SKIL: variants seen among roughly 807,000 people sequenced by gnomAD.
SKIL encodes SKI like proto-oncogene, also known as ski-like protein.
SKIL carries 20 observed loss-of-function variants against 69.6 expected under a neutral mutation model. That is an observed-to-expected ratio of 0.29 (90% confidence interval 0.20 to 0.42). The LOEUF (loss-of-function observed/expected upper bound fraction) is 0.42, where lower values mean the gene tolerates loss of function less well. Ranked by LOEUF, SKIL falls within the 10% of genes least tolerant of loss-of-function variation. The pLI is 1.00. For synonymous variants in SKIL, 310 were observed against 279.9 expected, an observed-to-expected ratio of 1.11 and a Z score of -1.08; for missense variants, 745 against 783.1, an observed-to-expected ratio of 0.95 and a Z score of 0.58.
In SKIL at chr3:170,396,657, C is replaced by T. The variant is rs944205356; in HGVS notation, c.*4240C>T. 3.9e-5 allele frequency: 6 copies of T among 152,144 alleles called. No homozygotes were observed. Among genetic ancestry groups the T allele is most frequent in the African/African-American group, 9.7e-5 (4 of 41,436 alleles). The allele number at this position is 152,144 out of a possible 1,614,324, so 9.4% of individuals were successfully genotyped here. On this transcript the variant is annotated 3_prime_UTR_variant, in exon 7 of 7. Transcript: ENST00000259119. ...TTATATGGTTTTACTAAAAATAAGA[C>T]TCATGTATCTGGTCACCTAGTTTAC...
chr3:170,361,071 C>T lies in SKIL; in HGVS notation c.740C>T (p.Pro247Leu), dbSNP rs144342348. 1.0e-4 allele frequency: 167 copies of T among 1,614,122 alleles called. No individual in the cohort carries two copies. The highest frequency in any genetic ancestry group is 1.3e-4 in the Non-Finnish European group (150 of 1,180,052). Residue 247 changes from proline to leucine, a missense_variant, in exon 2 of 7, where the codon CCT (proline) becomes CTT (leucine). Coordinates refer to ENST00000259119, the MANE Select transcript of SKIL (RefSeq NM_005414.5). ...RTFPQNGSVL[P>L]AKSSLAQLKE... ...TTTCCTCAAAATGGTAGCGTACTTC[C>T]TGCTAAAAGCTCATTGGCCCAGTTA...
Position 170,390,295 on chromosome 3 carries a change from TAAAC to T in SKIL, c.1506_1509del (p.Asn502LysfsTer16). On this transcript the variant is annotated frameshift_variant, in exon 5 of 7. Coordinates refer to ENST00000259119, the MANE Select transcript of SKIL (RefSeq NM_005414.5). LOFTEE classifies it high-confidence loss of function. Reference sequence around the variant, plus strand: ...GCCACTTGCAACTTAGTCAGAGACATAAACAAAGTGGGAATTGGCCTTGTTGCTG... The same window carrying T: ...GCCACTTGCAACTTAGTCAGAGACATAAAGTGGGAATTGGCCTTGTTGCTG... 6.2e-7 allele frequency: 1 copy of T among 1,613,682 alleles called. No individual in the cohort carries two copies. The highest frequency in any genetic ancestry group is 8.5e-7 in the Non-Finnish European group (1 of 1,179,568).
rs1197272820 is a variant in SKIL at position 170,393,903 on chromosome 3, T to A, written c.*1486T>A. The A allele has an allele frequency of 6.6e-6, 1 of 152,214 alleles. No individual in the cohort carries two copies. The highest frequency in any genetic ancestry group is 1.9e-4 in the East Asian group (1 of 5,190). 9.4% of individuals were successfully genotyped at this position (152,214 alleles called of 1,614,324 possible). A position where few individuals can be genotyped will look rare whatever the true frequency, so the allele number is the denominator to read the frequency against. On this transcript the variant is annotated 3_prime_UTR_variant, in exon 7 of 7. Coordinates refer to ENST00000259119, the MANE Select transcript of SKIL (RefSeq NM_005414.5). ...GTAGAAAGAATCACTAGGTTGTCATTTAACCAGTTATTTTCATATTTTGCT... is the reference window on the plus strand; with the variant it reads ...GTAGAAAGAATCACTAGGTTGTCATATAACCAGTTATTTTCATATTTTGCT...
At chr3:170,367,311 C>A (rs183346019) in intron 2 of SKIL, among the ~76,000 whole-genome samples, 1,764 of 152,038 alleles carry the variant, frequency 0.012, 18 homozygotes, top group Non-Finnish European at 0.019. Flanking sequence ...GGGGTTTCAC[C>A]GTGTTAGCCA....
At chr3:170,379,796 A>G (rs1193188752) in intron 2 of SKIL, among the ~76,000 whole-genome samples, 1 of 152,192 alleles carries the variant, frequency 6.6e-6, no homozygotes, top group East Asian at 1.9e-4. Context: ...GGAGCGCACC[A>G]CCATGCCTCG....
At chr3:170,382,145 T>G (rs565362286) in intron 3 of SKIL, among the ~76,000 whole-genome samples, 3 of 152,168 alleles carry the variant, frequency 2.0e-5, no homozygotes, top group Admixed American at 2.0e-4. Context: ...TTAATGTATT[T>G]TTTGTTTCTA....
chr3:170,389,012 GGTGCGCGC>G (rs1202230374), intron 4 of SKIL, among the ~76,000 whole-genome samples: 3 of 152,032 alleles, frequency 2.0e-5, no homozygotes, highest in Non-Finnish European at 4.4e-5. Flanking sequence ...TGGGATTACA[GGTGCGCGC>G]CACCATGCCT....
intron 2 of SKIL, among the ~76,000 whole-genome samples, chr3:170,375,570 T>A (rs966616914): frequency 6.6e-6 from 1 of 152,158 alleles, no homozygotes; most frequent in Non-Finnish European, 1.5e-5. Flanking sequence ...AGTAATTTTA[T>A]ATTTTTTTCT....
chr3:170,369,781 A>G (rs149743029), intron 2 of SKIL, among the ~76,000 whole-genome samples: 2 of 152,264 alleles, frequency 1.3e-5, no homozygotes, highest in East Asian at 3.9e-4. Flanking sequence ...GTTCCTAGTA[A>G]AGGGGTAGAA....
At chr3:170,383,959 C>T (rs1245220752) in intron 3 of SKIL, among the ~76,000 whole-genome samples, 1 of 148,530 alleles carries the variant, frequency 6.7e-6, no homozygotes, top group Non-Finnish European at 1.5e-5. Flanking sequence ...GCTTTTAATT[C>T]TCAGGTGGTT....
At chr3:170,363,288 T>G (rs1052229095) in intron 2 of SKIL, among the ~76,000 whole-genome samples, 1 of 152,204 alleles carries the variant, frequency 6.6e-6, no homozygotes, top group African/African-American at 2.4e-5. Context: ...GATCCTGAGC[T>G]TTATTCTGGT....
intron 2 of SKIL, among the ~76,000 whole-genome samples, chr3:170,370,094 C>A (rs962628860): frequency 6.6e-6 from 1 of 151,832 alleles, no homozygotes; most frequent in African/African-American, 2.4e-5. Flanking sequence ...AAAAAATTAG[C>A]CGGGCGCGGT....
chr3:170,368,798 GT>G (rs1309643962), intron 2 of SKIL, among the ~76,000 whole-genome samples: 1 of 152,062 alleles, frequency 6.6e-6, no homozygotes, highest in Non-Finnish European at 1.5e-5. Context: ...GTGTGAAACA[GT>G]TTTTTTATTA....
chr3:170,391,014 A>G (rs773231669), intron 5 of SKIL, 22 bp from the exon 6 acceptor site: 30 of 1,265,974 alleles, frequency 2.4e-5, no homozygotes, highest in Non-Finnish European at 3.4e-5. Flanking sequence ...TAAAACTTGT[A>G]TTGTGATTCT....
At chr3:170,369,457 A>G (rs1385235110) in intron 2 of SKIL, among the ~76,000 whole-genome samples, 1 of 152,130 alleles carries the variant, frequency 6.6e-6, no homozygotes, top group African/African-American at 2.4e-5. Flanking sequence ...GCTGGAGTGC[A>G]ATAAGGCAAT....
intron 4 of SKIL, among the ~76,000 whole-genome samples, chr3:170,387,483 A>T (rs1410844758): frequency 2.0e-5 from 3 of 151,696 alleles, no homozygotes; most frequent in Admixed American, 2.0e-4. Context: ...TTCATGAAAG[A>T]TAATGTTTTC....
At chr3:170,383,995 T>C (rs1421665714) in intron 3 of SKIL, among the ~76,000 whole-genome samples, 1 of 151,616 alleles carries the variant, frequency 6.6e-6, no homozygotes, top group Non-Finnish European at 1.5e-5. Flanking sequence ...GAGCCTGTGA[T>C]TTTCCTTCTG....
In SKIL at chr3:170,384,586, C is replaced by G. The variant is rs771731578; in HGVS notation, c.1250C>G (p.Ser417Cys). The G allele has an allele frequency of 6.2e-7, 1 of 1,612,640 alleles. No individual in the cohort carries two copies. Among genetic ancestry groups the G allele is most frequent in the South Asian group, 1.1e-5 (1 of 90,844 alleles). ...KVVAPNVSLTSAVSQSKELTK... is the reference protein window; with the variant it reads ...KVVAPNVSLTCAVSQSKELTK... ...GTTGCCCCAAATGTGTCACTTACTTCTGCTGTATCCCAGTCTAAAGAGCTC... is the reference window on the plus strand; with the variant it reads ...GTTGCCCCAAATGTGTCACTTACTTGTGCTGTATCCCAGTCTAAAGAGCTC... The change falls in exon 4 of 7, where the codon TCT becomes TGT. Residue 417 changes from serine (S) to cysteine (C), a missense_variant. Ser to Cys is a moderately radical substitution (Grantham distance 112, BLOSUM62 -1). Transcript: ENST00000259119.
intron 1 of SKIL, 56 bp downstream of exon 1, chr3:170,357,819 C>T (rs1289253286): frequency 6.4e-6 from 1 of 156,426 alleles, no homozygotes; most frequent in African/African-American, 2.4e-5. Context: ...GCCAGAGGCG[C>T]TCACCCTCCT....
Sources: allele counts gnomAD v4.1 joint callset (sites outside exome capture counted in the v4.1 genomes callset), GRCh38; gene constraint gnomAD v4.1.1; transcripts MANE v1.5; gene names NCBI Gene and HGNC (gene_info 2026-07-23, HGNC 2026-07-21).